FAIM: variants seen among roughly 807,000 people sequenced by gnomAD.
The protein encoded by FAIM is Fas apoptotic inhibitory molecule, also known as fas apoptotic inhibitory molecule 1.
Under a neutral mutation model 21.2 loss-of-function variants are expected in FAIM, and 14 were observed. That is an observed-to-expected ratio of 0.66 (90% CI 0.44 to 1.03). The LOEUF (loss-of-function observed/expected upper bound fraction) is 1.03. Ranked by LOEUF, FAIM falls within the 50% of genes least tolerant of loss-of-function variation. The pLI is 0.00. For missense variants in FAIM, 222 were observed against 247.1 expected, an observed-to-expected ratio of 0.90 and a Z score of 0.68; for synonymous variants, 86 against 80.4, an observed-to-expected ratio of 1.07 and a Z score of -0.37.
At chr3:138,614,077 T>C (rs2042800168) in intron 1 of FAIM, among the ~76,000 whole-genome samples, 1 of 152,240 alleles carries the variant, frequency 6.6e-6, no homozygotes, top group Non-Finnish European at 1.5e-5. Context: ...GTTGGCACCC[T>C]TGTCAAAAAT....
intron 1 of FAIM, among the ~76,000 whole-genome samples, chr3:138,613,103 C>A (rs1231948125): frequency 1.3e-5 from 2 of 151,728 alleles, no homozygotes; most frequent in African/African-American, 4.8e-5. Context: ...CAGCCTCCGC[C>A]TCCTGGGTTC....
In FAIM at chr3:138,624,381, C is replaced by A. The variant is rs1560498133; in HGVS notation, c.406+1965C>A. ...TACAGTTAGTTCTCTTTTAAATGTC[C>A]AGGGGCCTGCTTATCTACTTGTGAA... On this transcript the variant is annotated intron_variant, in intron 4 of 5. Transcript: ENST00000360570. Among the ~76,000 whole-genome samples, 3 of 152,240 alleles carry A rather than the reference C, an allele frequency of 2.0e-5. No homozygotes were observed. In the South Asian group the frequency reaches 6.2e-4, roughly 32 times the overall value.
chr3:138,622,069 C>A (rs965289407), intron 3 of FAIM, 119 bp from the exon 4 acceptor site: 76 of 847,122 alleles, frequency 9.0e-5, no homozygotes, highest in Admixed American at 1.5e-4. Flanking sequence ...CATGAGCCAC[C>A]ACTCCCGGCA....
intron 1 of FAIM, among the ~76,000 whole-genome samples, chr3:138,615,444 A>G (rs1291415996): frequency 2.0e-5 from 3 of 152,226 alleles, no homozygotes; most frequent in Non-Finnish European, 4.4e-5. Context: ...CCAGTTACGA[A>G]GAAGTAAGTT....
chr3:138,627,866 C>T (rs139303455), intron 4 of FAIM, among the ~76,000 whole-genome samples: 94 of 152,286 alleles, frequency 6.2e-4, no homozygotes, highest in African/African-American at 1.3e-3. Context: ...AGAGAAAGAA[C>T]CCCCTTTAGA....
intron 1 of FAIM, among the ~76,000 whole-genome samples, chr3:138,617,613 C>T (rs1051405374): frequency 2.9e-5 from 4 of 139,838 alleles, no homozygotes; most frequent in Non-Finnish European, 4.6e-5. Context: ...CTTATACTAT[C>T]TGTCTATCTA....
chr3:138,621,421 T>C lies in FAIM; in HGVS notation c.59T>C (p.Leu20Pro), dbSNP rs187659517. Residue 20 changes from leucine to proline, a missense_variant, in exon 3 of 6, where the codon CTA becomes CCA. Leu to Pro is a moderately conservative substitution (Grantham distance 98). Transcript: ENST00000360570. The part of the protein sequence containing the change: ...FEDDESPPYS[L>P]EKMTDLVAVW... ...TATTCCTTTAGCCCTCCTTACAGCC[T>C]AGAAAAAATGACAGATCTCGTAGCT... The C allele has an allele frequency of 6.2e-7, 1 of 1,613,946 alleles. No homozygotes were observed. The highest frequency in any genetic ancestry group is 8.5e-7 in the Non-Finnish European group (1 of 1,179,936).
chr3:138,622,061 T>C (rs1440605941), intron 3 of FAIM, 127 bp from the exon 4 acceptor site: 4 of 795,330 alleles, frequency 5.0e-6, no homozygotes, highest in Non-Finnish European at 7.7e-6. Context: ...ATTACAGGCA[T>C]GAGCCACCAC....
At chr3:138,616,436 A>G (rs1002949965) in intron 1 of FAIM, among the ~76,000 whole-genome samples, 2 of 152,296 alleles carry the variant, frequency 1.3e-5, no homozygotes, top group Admixed American at 1.3e-4. Context: ...GTTAGAGTGC[A>G]GTGGCATGGT....
At chr3:138,611,460 T>C (rs1242411375) in intron 1 of FAIM, among the ~76,000 whole-genome samples, 1 of 152,184 alleles carries the variant, frequency 6.6e-6, no homozygotes, top group East Asian at 1.9e-4. Flanking sequence ...ACATTCACAA[T>C]AGTGTGCGAT....
At chr3:138,612,075 T>C (rs1180336435) in intron 1 of FAIM, among the ~76,000 whole-genome samples, 1 of 151,194 alleles carries the variant, frequency 6.6e-6, no homozygotes, top group East Asian at 2.0e-4. Context: ...TGGAATCATA[T>C]TTGTCATTTT....
chr3:138,615,251 T>G (rs1010581316), intron 1 of FAIM, among the ~76,000 whole-genome samples: 1 of 152,228 alleles, frequency 6.6e-6, no homozygotes, highest in East Asian at 1.9e-4. Flanking sequence ...ACCAAACACG[T>G]ATCTCTTTTG....
At chr3:138,610,090 C>T (rs2042751577) in intron 1 of FAIM, among the ~76,000 whole-genome samples, 1 of 152,186 alleles carries the variant, frequency 6.6e-6, no homozygotes, top group South Asian at 2.1e-4. Context: ...TTGGCTGGCC[C>T]TACCTGGGGG....
At chr3:138,627,029 T>C (rs987282852) in intron 4 of FAIM, among the ~76,000 whole-genome samples, 2 of 152,172 alleles carry the variant, frequency 1.3e-5, no homozygotes, top group Non-Finnish European at 2.9e-5. Flanking sequence ...GTTGTTGGTC[T>C]TTTTCTCCTT....
intron 2 of FAIM, among the ~76,000 whole-genome samples, chr3:138,620,034 A>C (rs148995487): frequency 7.2e-5 from 11 of 152,204 alleles, no homozygotes; most frequent in African/African-American, 2.7e-4. Context: ...CAACCACTTC[A>C]AAATGATATA....
At chr3:138,631,147 A>T (rs1287867965) in intron 5 of FAIM, 1 of 152,230 alleles carries the variant, frequency 6.6e-6, no homozygotes, top group African/African-American at 2.4e-5. Context: ...CTCAAAAAAA[A>T]AAAAAAAAAT....
At chr3:138,623,876 TA>T (rs2042913648) in intron 4 of FAIM, among the ~76,000 whole-genome samples, 1 of 152,212 alleles carries the variant, frequency 6.6e-6, no homozygotes, top group African/African-American at 2.4e-5. Context: ...GTCTAAGAAA[TA>T]AACATTACTT....
At chr3:138,615,563 A>T (rs969643997) in intron 1 of FAIM, among the ~76,000 whole-genome samples, 2 of 152,204 alleles carry the variant, frequency 1.3e-5, no homozygotes. Flanking sequence ...GCCTTTTAGA[A>T]TAATTATTCA....
chr3:138,631,824 C>T (rs917497372), intron 5 of FAIM, among the ~76,000 whole-genome samples: 1 of 152,100 alleles, frequency 6.6e-6, no homozygotes, highest in African/African-American at 2.4e-5. Flanking sequence ...ACACACTGCA[C>T]CCAAGGACAT....
Sources: gnomAD v4.1 joint callset for allele counts (sites outside exome capture counted in the v4.1 genomes callset) on GRCh38, gnomAD v4.1.1 for gene constraint, MANE v1.5 for transcripts, NCBI Gene and HGNC (gene_info 2026-07-23, HGNC 2026-07-21) for gene names.